AGAP1: variants seen among roughly 807,000 people sequenced by gnomAD.
AGAP1 encodes arf-GAP with GTPase, ANK repeat and PH domain-containing protein 1.
Under a neutral mutation model 105.3 loss-of-function variants are expected in AGAP1, and 29 were observed. The ratio of observed to expected loss-of-function variants is 0.28; its 90% CI spans 0.21 to 0.38. AGAP1 has a LOEUF of 0.38. Ranked by LOEUF, AGAP1 falls within the 10% of genes least tolerant of loss-of-function variation. The probability of loss-of-function intolerance (pLI) is 1.00; values close to 1 mark genes in which losing one functional copy is unlikely to be tolerated. For synonymous variants in AGAP1, 509 were observed against 485.9 expected (o/e 1.05, Z -0.63); for missense variants, 998 against 1,165.1 (o/e 0.86, Z 2.09).
rs1198461383 is a variant in AGAP1, at chr2:236,009,320, A to G, written c.1646-27241A>G. On this transcript the variant is annotated intron_variant, in intron 13 of 17. Coordinates refer to ENST00000304032, the MANE Select transcript of AGAP1 (RefSeq NM_001037131.3). This position sits in a 1 kb window ranked among gnomAD's most constrained non-coding sequence, Gnocchi z 4.2. ...CGCCACGGACAAAAGATCACGGGAT[A>G]CCGGGAGCACTAAACTGGAAGTGAC... 6.6e-6 allele frequency among the ~76,000 whole-genome samples: 1 copy of G among 152,208 alleles called. No individual in the cohort carries two copies. Among genetic ancestry groups the G allele is most frequent in the Non-Finnish European group, 1.5e-5 (1 of 68,032 alleles).
At chr2:235,756,843 C>G (rs1215873198) in intron 6 of AGAP1, among the ~76,000 whole-genome samples, 1 of 152,164 alleles carries the variant, frequency 6.6e-6, no homozygotes, top group African/African-American at 2.4e-5. Context: ...GGAACCGTTT[C>G]ATCCCAAAAC....
In AGAP1 at chr2:236,055,759, C is replaced by G. The variant is rs1418381644; in HGVS notation, c.2114+6478C>G. Among the ~76,000 whole-genome samples, 1 of 152,240 alleles carries G rather than the reference C, an allele frequency of 6.6e-6. No homozygotes were observed. The highest frequency in any genetic ancestry group is 2.4e-5 in the African/African-American group (1 of 41,462). On this transcript the variant is annotated intron_variant, in intron 16 of 17. Coordinates refer to ENST00000304032, the MANE Select transcript of AGAP1 (RefSeq NM_001037131.3). This position sits in a 1 kb window ranked among gnomAD's most constrained non-coding sequence, Gnocchi z 6.2. ...ATCCTCGGCTATGCAAACGCAACAG[C>G]TGCTCAGGGACCTCAGCCCTTACTT...
intron 9 of AGAP1, among the ~76,000 whole-genome samples, chr2:235,823,828 G>C (rs775182160): frequency 1.3e-5 from 2 of 152,178 alleles, no homozygotes; most frequent in Non-Finnish European, 1.5e-5. Flanking sequence ...GTTACTAAGA[G>C]ACAACATGAC....
At position 235,559,536 on chromosome 2, in the gene AGAP1, T is replaced by C. The variant is rs1944082382; in HGVS notation, c.163+64687T>C. Among the ~76,000 whole-genome samples, 1 of 152,170 alleles carries C rather than the reference T, an allele frequency of 6.6e-6. No individual in the cohort carries two copies. Among genetic ancestry groups the C allele is most frequent in the Non-Finnish European group, 1.5e-5 (1 of 68,040 alleles). On this transcript the variant is annotated intron_variant, in intron 1 of 17. Transcript: ENST00000304032. The surrounding 1 kb of genome is among the most constrained non-coding windows in gnomAD (Gnocchi z 5.7). ...AATGTGTACTCAGTGTAGAAAAAAT[T>C]AGCACAGGAAATAGAAAGCTAAAGG...
At chr2:235,812,230 C>T (rs929375203) in intron 9 of AGAP1, among the ~76,000 whole-genome samples, 2 of 152,136 alleles carry the variant, frequency 1.3e-5, no homozygotes, top group Non-Finnish European at 2.9e-5. Context: ...TCCAGGGAGT[C>T]AGCTGTGAGA....
At chr2:235,832,462 A>G (rs1487338170) in intron 9 of AGAP1, among the ~76,000 whole-genome samples, 1 of 152,202 alleles carries the variant, frequency 6.6e-6, no homozygotes, top group East Asian at 1.9e-4. Context: ...CACATCCTCA[A>G]AATCATCAAC....
rs980299728 is a variant in AGAP1 at position 235,600,656 on chromosome 2, C to T, written c.163+105807C>T. Among the ~76,000 whole-genome samples the T allele has an allele frequency of 2.6e-5, 4 of 152,184 alleles. No homozygotes were observed. Among genetic ancestry groups the T allele is most frequent in the Non-Finnish European group, 5.9e-5 (4 of 68,038 alleles). On this transcript the variant is annotated intron_variant, in intron 1 of 17. Coordinates refer to ENST00000304032, the MANE Select transcript of AGAP1 (RefSeq NM_001037131.3). This position sits in a 1 kb window ranked among gnomAD's most constrained non-coding sequence, Gnocchi z 4.8. Reference sequence around the variant, plus strand: ...CCTGATGTTCGAGGGCAGGAAGCATCCAGCACAGGACAAAGATACAGGCTG... The same window carrying T: ...CCTGATGTTCGAGGGCAGGAAGCATTCAGCACAGGACAAAGATACAGGCTG...
Position 235,959,000 on chromosome 2 carries a change from TTGAA to T in AGAP1, c.1484-9459_1484-9456del, listed in dbSNP as rs2054065902. 6.6e-6 allele frequency among the ~76,000 whole-genome samples: 1 copy of T among 152,190 alleles called. No individual in the cohort carries two copies. The highest frequency in any genetic ancestry group is 1.5e-5 in the Non-Finnish European group (1 of 68,042). ...GATTGGGAAGAACTAATGGCTGACA[TTGAA>T]TGTGCGGGATGGTGCCGGCCCATCC... On this transcript the variant is annotated intron_variant, in intron 12 of 17. Coordinates refer to ENST00000304032, the MANE Select transcript of AGAP1 (RefSeq NM_001037131.3). The surrounding 1 kb of genome is among the most constrained non-coding windows in gnomAD (Gnocchi z 4.1).
At position 236,121,731 on chromosome 2, in the gene AGAP1, G is replaced by A. The variant is rs1462858671; in HGVS notation, c.2370+1284G>A. Among the ~76,000 whole-genome samples the A allele has an allele frequency of 1.3e-5, 2 of 152,202 alleles. No individual in the cohort carries two copies. The highest frequency in any genetic ancestry group is 4.8e-5 in the African/African-American group (2 of 41,454). On this transcript the variant is annotated intron_variant, in intron 17 of 17. Coordinates refer to ENST00000304032, the MANE Select transcript of AGAP1 (RefSeq NM_001037131.3). This position sits in a 1 kb window ranked among gnomAD's most constrained non-coding sequence, Gnocchi z 4.9. ...AATGCACATTAAATAAGAGTTGTGT[G>A]TAGTGTGCTAGGGCTGCCATAACAA...
Position 235,829,472 on chromosome 2 carries a change from C to T in AGAP1, c.1050+22141C>T, listed in dbSNP as rs558565227. Among the ~76,000 whole-genome samples the T allele has an allele frequency of 2.6e-5, 4 of 152,328 alleles. No homozygotes were observed. In the Middle Eastern group the frequency reaches 0.01, roughly 389 times the overall value. Reference sequence around the variant, plus strand: ...GAGACCTTGTGAGCAAGAAAGGGCACAGCATTTGACATCTGAGTCAATCCT... The same window carrying T: ...GAGACCTTGTGAGCAAGAAAGGGCATAGCATTTGACATCTGAGTCAATCCT... On this transcript the variant is annotated intron_variant, in intron 9 of 17. Transcript: ENST00000304032.
chr2:235,666,534 A>C (rs896554096), intron 1 of AGAP1, among the ~76,000 whole-genome samples: 1 of 151,972 alleles, frequency 6.6e-6, no homozygotes, highest in Non-Finnish European at 1.5e-5. Flanking sequence ...ACTGGTGTGG[A>C]AAATAAGTGC....
Position 235,744,241 on chromosome 2 carries a change from G to C in AGAP1, c.397-457G>C, listed in dbSNP as rs1237332358. On this transcript the variant is annotated intron_variant, in intron 4 of 17. Transcript: ENST00000304032. This position sits in a 1 kb window ranked among gnomAD's most constrained non-coding sequence, Gnocchi z 5.2. ...GGTAGCGAGTGGGAAGGACTGAGGGGTGGGGAGGTTCTGAGCAGGCATGAG... is the reference window on the plus strand; with the variant it reads ...GGTAGCGAGTGGGAAGGACTGAGGGCTGGGGAGGTTCTGAGCAGGCATGAG... 1.3e-5 allele frequency among the ~76,000 whole-genome samples: 2 copies of C among 152,158 alleles called. No individual in the cohort carries two copies. Among genetic ancestry groups the C allele is most frequent in the African/African-American group, 4.8e-5 (2 of 41,434 alleles).
At chr2:235,684,448 A>T (rs1949271327) in intron 1 of AGAP1, among the ~76,000 whole-genome samples, 1 of 152,150 alleles carries the variant, frequency 6.6e-6, no homozygotes, top group South Asian at 2.1e-4. Context: ...ATTGCCCAGA[A>T]TGTCCCATTT....
chr2:235,624,116 C>T (rs1395736066), intron 1 of AGAP1, among the ~76,000 whole-genome samples: 2 of 152,200 alleles, frequency 1.3e-5, no homozygotes, highest in African/African-American at 4.8e-5. Flanking sequence ...AACTTCTCAC[C>T]ATTAAATGTA....
intron 9 of AGAP1, among the ~76,000 whole-genome samples, chr2:235,856,973 GAC>G (rs2048712342): frequency 6.6e-6 from 1 of 152,186 alleles, no homozygotes; most frequent in Non-Finnish European, 1.5e-5. Flanking sequence ...GAAACATGAA[GAC>G]ACACACACTC....
Position 235,677,906 on chromosome 2 carries a change from C to CAAAAAAAA in AGAP1, c.164-31229_164-31222dup, listed in dbSNP as rs61111847. ...CTTTCTGCCCCCATTAGCTCTTTAC[C>CAAAAAAAA]AAAAAAAAAAAAAAAAAAAAAAAAA... On this transcript the variant is annotated intron_variant, in intron 1 of 17. Transcript: ENST00000304032. Among the ~76,000 whole-genome samples, 6 of 62,994 alleles carry CAAAAAAAA rather than the reference C, an allele frequency of 9.5e-5. 1 individual carries two copies. Among genetic ancestry groups the CAAAAAAAA allele is most frequent in the Non-Finnish European group, 1.9e-4 (6 of 31,056 alleles). The allele number at this position is 62,994 out of a possible 152,430, so 41.3% of individuals were successfully genotyped here.
Position 235,663,516 on chromosome 2 carries a change from G to A in AGAP1, c.164-45663G>A, listed in dbSNP as rs147020815. 6.6e-5 allele frequency among the ~76,000 whole-genome samples: 10 copies of A among 152,284 alleles called. No homozygotes were observed. In the South Asian group the frequency reaches 2.1e-3, roughly 32 times the overall value. ...AATCCCAAATGGGATGCAGAAGGGA[G>A]AACTGTGTAAAATCACGCTCTTCCA... On this transcript the variant is annotated intron_variant, in intron 1 of 17. Coordinates refer to ENST00000304032, the MANE Select transcript of AGAP1 (RefSeq NM_001037131.3). This position sits in a 1 kb window ranked among gnomAD's most constrained non-coding sequence, Gnocchi z 5.4.
chr2:235,998,710 AGTGGTGATGATG>A (rs2055926475), intron 13 of AGAP1, among the ~76,000 whole-genome samples: 1 of 82,820 alleles, frequency 1.2e-5, no homozygotes, highest in Non-Finnish European at 3.1e-5. Flanking sequence ...TGATGATGAT[AGTGGTGATGATG>A]ATGGTGATGG....
At chr2:235,926,132 T>A (rs548604668) in intron 11 of AGAP1, among the ~76,000 whole-genome samples, 14 of 152,360 alleles carry the variant, frequency 9.2e-5, no homozygotes, top group Admixed American at 7.8e-4. Context: ...CATTAGTAGG[T>A]CAATTAGTTA....
Sources: allele counts gnomAD v4.1 joint callset (sites outside exome capture counted in the v4.1 genomes callset), GRCh38; gene constraint gnomAD v4.1.1; non-coding constraint Gnocchi (gnomAD v3.1); transcripts MANE v1.5; gene names NCBI Gene and HGNC (gene_info 2026-07-23, HGNC 2026-07-21).